Variants in RAB3C observed in about 807,000 individuals in gnomAD.
RAB3C encodes the protein RAB3C, member RAS oncogene family.
In RAB3C, 17 loss-of-function variants were observed where a neutral mutation model predicts 26.4. The observed-to-expected ratio is 0.64, with a 90% CI of 0.44 to 0.97. The LOEUF (loss-of-function observed/expected upper bound fraction) is 0.97. RAB3C is among the 50% of genes least tolerant of loss of function. The probability of loss-of-function intolerance (pLI) is 0.00; values close to 1 mark genes in which losing one functional copy is unlikely to be tolerated. For synonymous variants in RAB3C, 91 were observed against 95.9 expected (o/e 0.95, Z 0.30); for missense variants, 242 against 281.9 (o/e 0.86, Z 1.01).
At chr5:58,651,901 A>G (rs868537354) in intron 2 of RAB3C, among the ~76,000 whole-genome samples, 3 of 152,370 alleles carry the variant, frequency 2.0e-5, no homozygotes, top group Non-Finnish European at 2.9e-5. Flanking sequence ...TCTCTAGATT[A>G]CTTATAATAC....
chr5:58,599,166 T>C (rs1015970436), intron 1 of RAB3C, among the ~76,000 whole-genome samples: 1 of 152,190 alleles, frequency 6.6e-6, no homozygotes, highest in African/African-American at 2.4e-5. Context: ...CATACTCACA[T>C]CCCACTAAGA....
At chr5:58,671,698 G>C (rs1223535195) in intron 2 of RAB3C, among the ~76,000 whole-genome samples, 2 of 152,102 alleles carry the variant, frequency 1.3e-5, no homozygotes, top group African/African-American at 2.4e-5. Flanking sequence ...AATATAATTT[G>C]AACTGGAAAG....
At chr5:58,641,722 A>G (rs1747416118) in intron 2 of RAB3C, among the ~76,000 whole-genome samples, 1 of 152,194 alleles carries the variant, frequency 6.6e-6, no homozygotes. Context: ...CTGTCCCTTC[A>G]GCACCATCTA....
intron 4 of RAB3C, among the ~76,000 whole-genome samples, chr5:58,842,943 A>C (rs550587869): frequency 6.6e-6 from 1 of 152,362 alleles, no homozygotes; most frequent in South Asian, 2.1e-4. Flanking sequence ...GCCAACAGCT[A>C]GTGGAACACT....
chr5:58,719,221 C>T (rs1032822110), intron 2 of RAB3C, among the ~76,000 whole-genome samples: 1 of 151,950 alleles, frequency 6.6e-6, no homozygotes, highest in African/African-American at 2.4e-5. Context: ...ATAGGACATA[C>T]ATTAGAATAA....
intron 2 of RAB3C, 90 bp downstream of exon 2, chr5:58,617,960 C>G (rs1408772909): frequency 9.2e-6 from 7 of 758,310 alleles, no homozygotes; most frequent in South Asian, 1.9e-5. Flanking sequence ...TGTTCTATCC[C>G]CAGGGCATCC....
intron 2 of RAB3C, among the ~76,000 whole-genome samples, chr5:58,639,987 C>A (rs1330981493): frequency 2.6e-5 from 4 of 152,132 alleles, no homozygotes; most frequent in Non-Finnish European, 5.9e-5. Context: ...CAGATTCTGT[C>A]AATTAATCAA....
chr5:58,702,065 G>T (rs1240263075), intron 2 of RAB3C, among the ~76,000 whole-genome samples: 2 of 152,012 alleles, frequency 1.3e-5, no homozygotes, highest in African/African-American at 2.4e-5. Context: ...GACTTCCCAG[G>T]CCTCGGCAAC....
intron 3 of RAB3C, among the ~76,000 whole-genome samples, chr5:58,759,173 G>A (rs1238829567): frequency 2.0e-5 from 3 of 152,180 alleles, no homozygotes; most frequent in Non-Finnish European, 4.4e-5. Flanking sequence ...AAGTAATTAG[G>A]CAAGATACTG....
chr5:58,810,909 A>G (rs2112039475), intron 3 of RAB3C, among the ~76,000 whole-genome samples: 1 of 152,228 alleles, frequency 6.6e-6, no homozygotes, highest in Middle Eastern at 3.4e-3. Context: ...TTATTCACTC[A>G]TTTTAATGGT....
At chr5:58,805,864 G>A (rs929429159) in intron 3 of RAB3C, among the ~76,000 whole-genome samples, 1 of 151,922 alleles carries the variant, frequency 6.6e-6, no homozygotes, top group Admixed American at 6.6e-5. Flanking sequence ...TAGGAGGGAA[G>A]GGGTGTGGGG....
chr5:58,666,188 A>T (rs1377176766), intron 2 of RAB3C, among the ~76,000 whole-genome samples: 2 of 152,208 alleles, frequency 1.3e-5, no homozygotes, highest in Non-Finnish European at 2.9e-5. Context: ...TGCATAGGGT[A>T]ATATTCAATG....
At chr5:58,849,521 A>G (rs1008619241) in intron 4 of RAB3C, among the ~76,000 whole-genome samples, 1 of 152,232 alleles carries the variant, frequency 6.6e-6, no homozygotes, top group African/African-American at 2.4e-5. Context: ...TTAACACCAG[A>G]TGGCCTTATC....
At chr5:58,618,991 C>CT (rs1474643498) in intron 2 of RAB3C, among the ~76,000 whole-genome samples, 3 of 152,022 alleles carry the variant, frequency 2.0e-5, no homozygotes, top group Admixed American at 6.6e-5. Context: ...AGGATTTTAA[C>CT]TTTTTTAAAA....
intron 3 of RAB3C, among the ~76,000 whole-genome samples, chr5:58,823,994 C>G (rs1217525458): frequency 6.6e-6 from 1 of 150,674 alleles, no homozygotes; most frequent in African/African-American, 2.4e-5. Context: ...TTTGTCCTTG[C>G]AATAGTTTAC....
At chr5:58,821,427 A>G (rs1273326859) in intron 3 of RAB3C, among the ~76,000 whole-genome samples, 2 of 152,234 alleles carry the variant, frequency 1.3e-5, no homozygotes, top group Admixed American at 6.5e-5. Context: ...GTAAAAATAT[A>G]TTAGCATTTG....
At chr5:58,828,847 AATT>A (rs3060561) in intron 4 of RAB3C, among the ~76,000 whole-genome samples, 91,277 of 149,878 alleles carry the variant, frequency 0.61, 28,100 homozygotes, top group Middle Eastern at 0.75. Flanking sequence ...GAGGGTAGGG[AATT>A]ATTGCTGCCA....
chr5:58,608,446 A>G (rs546517713), intron 1 of RAB3C, among the ~76,000 whole-genome samples: 1 of 152,356 alleles, frequency 6.6e-6, no homozygotes, highest in African/African-American at 2.4e-5. Context: ...AATGCTCATC[A>G]TCACTGGCCA....
chr5:58,656,106 T>G (rs1747767500), intron 2 of RAB3C, among the ~76,000 whole-genome samples: 1 of 152,106 alleles, frequency 6.6e-6, no homozygotes, highest in Non-Finnish European at 1.5e-5. Context: ...TCTTACATGG[T>G]TGATAAGAGG....
Sources: allele counts gnomAD v4.1 joint callset (sites outside exome capture counted in the v4.1 genomes callset), GRCh38; gene constraint gnomAD v4.1.1; transcripts MANE v1.5; gene names NCBI Gene and HGNC (gene_info 2026-07-23, HGNC 2026-07-21).